The following DEDD2 variants were observed in gnomAD, a reference collection of about 807,000 sequenced individuals.
The protein encoded by DEDD2 is death effector domain containing 2.
DEDD2 carries 18 observed loss-of-function variants against 28.9 expected under a neutral mutation model. The ratio of observed to expected loss-of-function variants is 0.62; its 90% CI spans 0.43 to 0.92. The LOEUF (loss-of-function observed/expected upper bound fraction) is 0.92. Ranked by LOEUF, DEDD2 falls within the 40% of genes least tolerant of loss-of-function variation. DEDD2 has a pLI of 0.00. For synonymous variants in DEDD2, 211 were observed against 206.1 expected, an observed-to-expected ratio of 1.02 and a Z score of -0.20; for missense variants, 411 against 463.3, an observed-to-expected ratio of 0.89 and a Z score of 1.04.
At chr19:42,206,920 A>AG (rs1450770007) in intron 4 of DEDD2, among the ~76,000 whole-genome samples, 1 of 152,180 alleles carries the variant, frequency 6.6e-6, no homozygotes, top group African/African-American at 2.4e-5. Context: ...GCCTCACTCC[A>AG]GCCCCACCCT....
upstream of DEDD2, among the ~76,000 whole-genome samples, chr19:42,218,995 C>T (rs1445567368): frequency 1.3e-5 from 2 of 151,648 alleles, no homozygotes; most frequent in African/African-American, 4.9e-5. Context: ...GGCCACAGGG[C>T]GAGACTTTGT....
In DEDD2 at chr19:42,216,796, T is replaced by G. The variant is rs767822407; in HGVS notation, c.212A>C (p.Glu71Ala). The G allele has an allele frequency of 6.3e-7, 1 of 1,586,476 alleles. No individual in the cohort carries two copies. Among genetic ancestry groups the G allele is most frequent in the East Asian group, 2.3e-5 (1 of 43,258 alleles). ...GTCGCACTGCCCGCGGCGCTCCAGCTCCAGCAGGAGCTCTAGGCCGCTGCG... is the reference window on the plus strand; with the variant it reads ...GTCGCACTGCCCGCGGCGCTCCAGCGCCAGCAGGAGCTCTAGGCCGCTGCG... Reference protein sequence around the residue: ...RARSGLELLLELERRGQCDES... With the variant: ...RARSGLELLLALERRGQCDES... The change falls in exon 2 of 5, where the codon GAG becomes GCG. Residue 71 changes from glutamate to alanine, a missense_variant. By Grantham distance (107) the Glu-to-Ala change is moderately radical (BLOSUM62 -1). Transcript: ENST00000596251.
chr19:42,203,995 C>T (rs2035431571), intron 4 of DEDD2, among the ~76,000 whole-genome samples: 1 of 152,168 alleles, frequency 6.6e-6, no homozygotes, highest in African/African-American at 2.4e-5. Flanking sequence ...GTTCCCTGTC[C>T]CTGGGAGGGT....
chr19:42,211,637 C>T (rs750493160), intron 3 of DEDD2, among the ~76,000 whole-genome samples: 7 of 152,270 alleles, frequency 4.6e-5, no homozygotes, highest in South Asian at 4.1e-4. Flanking sequence ...ATACAGTCAG[C>T]AGTTGTACTG....
chr19:42,203,498 G>A (rs1026484526), intron 4 of DEDD2, among the ~76,000 whole-genome samples: 1 of 152,124 alleles, frequency 6.6e-6, no homozygotes, highest in African/African-American at 2.4e-5. Context: ...GAGGGGAGAA[G>A]GGCGCTAAGG....
chr19:42,205,136 A>C (rs376975704), intron 4 of DEDD2, among the ~76,000 whole-genome samples: 53 of 152,314 alleles, frequency 3.5e-4, no homozygotes, highest in African/African-American at 1.1e-3. Flanking sequence ...CTACTGCAGG[A>C]TACAGTCAGC....
In DEDD2 at chr19:42,209,786, GCAC is replaced by G. The variant is rs753251460; in HGVS notation, c.500_502del (p.Gly167del). The G allele has an allele frequency of 6.3e-7, 1 of 1,593,208 alleles. No homozygotes were observed. Among genetic ancestry groups the G allele is most frequent in the South Asian group, 1.1e-5 (1 of 88,966 alleles). On this transcript the variant is annotated inframe_deletion, in exon 4 of 5. Transcript: ENST00000596251. ...TGGGGCCCCTCTCCGCCGCCGTCTGGCACCACCACTGGGCCGGCCCCGACTCCG... is the reference window on the plus strand; with the variant it reads ...TGGGGCCCCTCTCCGCCGCCGTCTGGCACCACTGGGCCGGCCCCGACTCCG...
intron 4 of DEDD2, among the ~76,000 whole-genome samples, chr19:42,201,398 G>A (rs2035324587): frequency 6.6e-6 from 1 of 152,224 alleles, no homozygotes; most frequent in Admixed American, 6.5e-5. Context: ...AGAGAGCAAT[G>A]GATAGAAAGG....
chr19:42,218,099 C>G (rs1049367871), upstream of DEDD2, among the ~76,000 whole-genome samples: 3 of 152,134 alleles, frequency 2.0e-5, no homozygotes, highest in African/African-American at 7.2e-5. Context: ...ACTTTCCCGT[C>G]TCCCAGTAAA....
intron 4 of DEDD2, among the ~76,000 whole-genome samples, chr19:42,207,323 G>A (rs148735015): frequency 6.0e-4 from 91 of 152,302 alleles, no homozygotes; most frequent in East Asian, 5.8e-3. Flanking sequence ...GCAGGTGCGC[G>A]TGCTTTGTGG....
intron 2 of DEDD2, among the ~76,000 whole-genome samples, chr19:42,216,201 C>A (rs760658563): frequency 7.2e-5 from 11 of 152,196 alleles, no homozygotes; most frequent in Non-Finnish European, 1.5e-4. Context: ...AAAATAAGTT[C>A]TCTTATTATC....
At chr19:42,218,089 A>G (rs1253003659), upstream of DEDD2, among the ~76,000 whole-genome samples, 1 of 151,676 alleles carries the variant, frequency 6.6e-6, no homozygotes, top group Non-Finnish European at 1.5e-5. Context: ...CACAATCACT[A>G]CTTTCCCGTC....
At position 42,199,748 on chromosome 19, in the gene DEDD2, G is replaced by A. The variant is rs755264947; in HGVS notation, c.671C>T (p.Ala224Val). 8 of 1,612,540 alleles carry A rather than the reference G, an allele frequency of 5.0e-6. No homozygotes were observed. The highest frequency in any genetic ancestry group is 1.1e-5 in the South Asian group (1 of 90,890). Residue 224 changes from alanine to valine, a missense_variant, in exon 5 of 5, where the codon GCG becomes GTG. Coordinates refer to ENST00000596251, the MANE Select transcript of DEDD2 (RefSeq NM_133328.4). The surrounding 1 kb of genome is among the most constrained non-coding windows in gnomAD (Gnocchi z 7.4). ...EQGVASRRPQ[A>V]LARQLDVFGQ... Reference sequence around the variant, plus strand: ...AAACACGTCCAGCTGCCGCGCCAGCGCCTGGGGCCGCCGGGATGCCACGCC... The same window carrying A: ...AAACACGTCCAGCTGCCGCGCCAGCACCTGGGGCCGCCGGGATGCCACGCC...
At chr19:42,212,382 G>T (rs1223657471) in intron 3 of DEDD2, among the ~76,000 whole-genome samples, 1 of 151,832 alleles carries the variant, frequency 6.6e-6, no homozygotes, top group Non-Finnish European at 1.5e-5. Context: ...AAGTATTTGT[G>T]ATGTTTTTGT....
At position 42,205,770 on chromosome 19, in the gene DEDD2, C is replaced by CT. The variant is rs2035508679; in HGVS notation, c.589+3929dup. On this transcript the variant is annotated intron_variant, in intron 4 of 4. Transcript: ENST00000596251. ...ACAATGGCTAAAGCTAGTCTATCTA[C>CT]TTTGGTGTATTTTCCATAGAAAAAA... Among the ~76,000 whole-genome samples, 9 of 152,192 alleles carry CT rather than the reference C, an allele frequency of 5.9e-5. No individual in the cohort carries two copies. In the South Asian group the frequency reaches 1.9e-3, roughly 32 times the overall value.
intron 4 of DEDD2, among the ~76,000 whole-genome samples, chr19:42,208,976 G>A (rs895696475): frequency 6.6e-6 from 1 of 152,208 alleles, no homozygotes; most frequent in South Asian, 2.1e-4. Context: ...GGTGGCTCAC[G>A]CCTGTAATCC....
chr19:42,203,171 A>T (rs567371424), intron 4 of DEDD2, among the ~76,000 whole-genome samples: 1 of 152,276 alleles, frequency 6.6e-6, no homozygotes, highest in Non-Finnish European at 1.5e-5. Flanking sequence ...CCAGTGCCCG[A>T]GCTCTTAACT....
chr19:42,207,192 C>A (rs923184108), intron 4 of DEDD2, among the ~76,000 whole-genome samples: 2 of 152,190 alleles, frequency 1.3e-5, no homozygotes, highest in Non-Finnish European at 2.9e-5. Context: ...CCTGAGGACC[C>A]AGGGCTGGCT....
chr19:42,215,190 G>A lies in DEDD2; in HGVS notation c.391C>T (p.Arg131Cys), dbSNP rs139696001. Residue 131 changes from arginine (R) to cysteine (C), a missense_variant, in exon 3 of 5, where the codon CGT becomes TGT. Arg to Cys is a radical substitution (Grantham distance 180). Around this residue, in one of 2 missense-constraint regions of DEDD2, gnomAD observed 282 missense variants for 273.4 expected, o/e 1.03. Transcript: ENST00000596251. ...SSSKRTEGSC[R>C]RRRQSSSSAN... Reference sequence around the variant, plus strand: ...GAACTGCTTGACTGCCGACGGCGACGGCAGCTACCCTCTGTCCTCTTTGAA... The same window carrying A: ...GAACTGCTTGACTGCCGACGGCGACAGCAGCTACCCTCTGTCCTCTTTGAA... 356 of 1,613,742 alleles carry A rather than the reference G, an allele frequency of 2.2e-4. 1 individual carries two copies. Among genetic ancestry groups the A allele is most frequent in the Non-Finnish European group, 5.5e-5 (65 of 1,179,948 alleles).
Sources: gnomAD v4.1 joint callset for allele counts (sites outside exome capture counted in the v4.1 genomes callset) on GRCh38, gnomAD v4.1.1 for gene constraint, gnomAD v4.1.1 regional missense constraint, Gnocchi (gnomAD v3.1) non-coding constraint, MANE v1.5 for transcripts, NCBI Gene and HGNC (gene_info 2026-07-23, HGNC 2026-07-21) for gene names.